OTOP2: variants seen among roughly 807,000 people sequenced by gnomAD.
OTOP2 encodes proton channel OTOP2.
In OTOP2, 41 loss-of-function variants were observed where a neutral mutation model predicts 47.4. The observed-to-expected ratio is 0.87, with a 90% CI of 0.67 to 1.12. The LOEUF is 1.12. Ranked by LOEUF, OTOP2 falls within the 50% of genes most tolerant of loss-of-function variation. The probability of loss-of-function intolerance (pLI) is 0.00; values close to 1 mark genes in which losing one functional copy is unlikely to be tolerated. For missense variants in OTOP2, 721 were observed against 752.2 expected (o/e 0.96, Z 0.49); for synonymous variants, 328 against 319.6 (o/e 1.03, Z -0.28).
At chr17:74,925,757 A>G in intron 3 of OTOP2, 65 bp downstream of exon 3, 2 of 1,602,210 alleles carry the variant, frequency 1.2e-6, no homozygotes, top group African/African-American at 2.7e-5. Flanking sequence ...GAAGGACCCA[A>G]CAAGGGGTCG....
At chr17:74,929,889 G>GGTT (rs201403962) in intron 5 of OTOP2, among the ~76,000 whole-genome samples, 3,079 of 152,266 alleles carry the variant, frequency 0.02, 100 homozygotes, top group African/African-American at 0.07. Flanking sequence ...CCTTAACAAA[G>GGTT]GTCACAAGCT....
intron 3 of OTOP2, among the ~76,000 whole-genome samples, chr17:74,925,997 G>T (rs1164799549): frequency 6.6e-6 from 1 of 152,200 alleles, no homozygotes; most frequent in African/African-American, 2.4e-5. Flanking sequence ...CTAGAACCTG[G>T]CCTGCCCTTC....
At chr17:74,929,292 G>A (rs1271719763) in intron 5 of OTOP2, among the ~76,000 whole-genome samples, 2 of 152,128 alleles carry the variant, frequency 1.3e-5, no homozygotes, top group Non-Finnish European at 2.9e-5. Flanking sequence ...AGAGCTGTGA[G>A]GAAGCCTGAA....
In OTOP2 at chr17:74,930,606, C is replaced by T; in HGVS notation, c.971C>T (p.Ala324Val). The T allele has an allele frequency of 6.2e-7, 1 of 1,613,998 alleles. No individual in the cohort carries two copies. Among genetic ancestry groups the T allele is most frequent in the Non-Finnish European group, 8.5e-7 (1 of 1,180,010 alleles). ...GGGGACGGGAGCCGCACCAGGCAGG[C>T]CCTGGTCATCTACTACAGCTTCAAC... ...VSGDGSRTRQALVIYYSFNIV... is the reference protein window; with the variant it reads ...VSGDGSRTRQVLVIYYSFNIV... Residue 324 changes from alanine to valine, a missense_variant, in exon 6 of 7, where the codon GCC (alanine) becomes GTC (valine). Physicochemically the swap from Ala to Val is moderately conservative, Grantham distance 64 (BLOSUM62 0). Transcript: ENST00000331427. The surrounding 1 kb of genome is among the most constrained non-coding windows in gnomAD (Gnocchi z 4.0).
In OTOP2 at chr17:74,933,288, A is replaced by G. The variant is rs2039075422; in HGVS notation, c.1519-87A>G. 6.8e-7 allele frequency: 1 copy of G among 1,481,444 alleles called. No homozygotes were observed. Among genetic ancestry groups the G allele is most frequent in the African/African-American group, 1.4e-5 (1 of 72,162 alleles). The allele number at this position is 1,481,444 out of a possible 1,614,324, so 91.8% of individuals were successfully genotyped here. Reference sequence around the variant, plus strand: ...CACCAAGCTAGAAGGATGGGCCGCCATCTAGCCACGGCCCAGCAAAACCCA... The same window carrying G: ...CACCAAGCTAGAAGGATGGGCCGCCGTCTAGCCACGGCCCAGCAAAACCCA... On this transcript the variant is annotated intron_variant, in intron 6 of 6. Transcript: ENST00000331427. This position sits in a 1 kb window ranked among gnomAD's most constrained non-coding sequence, Gnocchi z 4.7.
rs772706765 is a variant in OTOP2, at chr17:74,933,399, G to A, written c.1543G>A (p.Ala515Thr). Residue 515 changes from alanine to threonine, a missense_variant, in exon 7 of 7, where the codon GCC becomes ACC. Transcript: ENST00000331427. The surrounding 1 kb of genome is among the most constrained non-coding windows in gnomAD (Gnocchi z 4.7). ...VILWIMPAFGARPHFSNTVEV... is the reference protein window; with the variant it reads ...VILWIMPAFGTRPHFSNTVEV... Reference sequence around the variant, plus strand: ...GCTGTGGATCATGCCTGCCTTCGGGGCCCGCCCTCATTTCAGCAACACAGT... The same window carrying A: ...GCTGTGGATCATGCCTGCCTTCGGGACCCGCCCTCATTTCAGCAACACAGT... 2.5e-6 allele frequency: 4 copies of A among 1,612,588 alleles called. No individual in the cohort carries two copies. The highest frequency in any genetic ancestry group is 1.7e-5 in the Admixed American group (1 of 59,988).
rs1210515722 is a variant in OTOP2, at chr17:74,926,784, G to A, written c.451-439G>A. Among the ~76,000 whole-genome samples, 3 of 150,366 alleles carry A rather than the reference G, an allele frequency of 2.0e-5. No homozygotes were observed. The East Asian group carries it at 5.8e-4, about 29-fold the overall frequency. ...TTTTCCTTTTTTTTTTTTCGAGATG[G>A]AGTCTCACTCTATCGCCCAGGCTGG... On this transcript the variant is annotated intron_variant, in intron 3 of 6. Coordinates refer to ENST00000331427, the MANE Select transcript of OTOP2 (RefSeq NM_178160.3).
rs766405398 is a variant in OTOP2, at chr17:74,930,965, C to G, written c.1330C>G (p.Gln444Glu). The G allele has an allele frequency of 6.2e-6, 10 of 1,614,124 alleles. No individual in the cohort carries two copies. The highest frequency in any genetic ancestry group is 7.6e-6 in the Non-Finnish European group (9 of 1,180,012). The change falls in exon 6 of 7, where the codon CAA (glutamine) becomes GAA (glutamate). Residue 444 changes from glutamine to glutamate, a missense_variant. Coordinates refer to ENST00000331427, the MANE Select transcript of OTOP2 (RefSeq NM_178160.3). The surrounding 1 kb of genome is among the most constrained non-coding windows in gnomAD (Gnocchi z 4.0). ...CAGTACCCACCCCAAGGAGCCCTGC[C>G]AAGACCTCACCTTCACCAACCTGGA... ...PHSTHPKEPC[Q>E]DLTFTNLDAL...
rs543337305 is a variant in OTOP2 at position 74,925,050 on chromosome 17, G to C, written c.313+105G>C. 1.6e-4 allele frequency: 210 copies of C among 1,347,142 alleles called. No homozygotes were observed. The East Asian group carries it at 4.3e-3, about 27-fold the overall frequency. The allele number at this position is 1,347,142 out of a possible 1,614,324, so 83.4% of individuals were successfully genotyped here. A position where few individuals can be genotyped will look rare whatever the true frequency, so the allele number is the denominator to read the frequency against. ...GCAGATTGACATACGAGGGCGAGAG[G>C]CTCCCTAGGGAGGACCAGGAGGACC... On this transcript the variant is annotated intron_variant, in intron 2 of 6. Transcript: ENST00000331427.
At chr17:74,932,282 C>G (rs1313901202) in intron 6 of OTOP2, among the ~76,000 whole-genome samples, 3 of 152,030 alleles carry the variant, frequency 2.0e-5, no homozygotes, top group African/African-American at 7.3e-5. Context: ...TGGGTATATC[C>G]CAGGACAGAG....
rs2039074856 is a variant in OTOP2 at position 74,933,236 on chromosome 17, A to G, written c.1519-139A>G. ...CCTGTCCAAAATGCTAGAGCTGCCC[A>G]TTCACTGACACCCAGCCCTCCGTGT... On this transcript the variant is annotated intron_variant, in intron 6 of 6. Transcript: ENST00000331427. This position sits in a 1 kb window ranked among gnomAD's most constrained non-coding sequence, Gnocchi z 4.7. The G allele has an allele frequency of 8.6e-6, 9 of 1,043,536 alleles. No homozygotes were observed. In the East Asian group the frequency reaches 2.2e-4, roughly 25 times the overall value. 64.6% of individuals were successfully genotyped at this position (1,043,536 alleles called of 1,614,324 possible). A position where few individuals can be genotyped will look rare whatever the true frequency, so the allele number is the denominator to read the frequency against.
rs2038992839 is a variant in OTOP2 at position 74,924,951 on chromosome 17, A to G, written c.313+6A>G. On this transcript the variant is annotated splice_donor_region_variant and intron_variant, in intron 2 of 6. Coordinates refer to ENST00000331427, the MANE Select transcript of OTOP2 (RefSeq NM_178160.3). The surrounding 1 kb of genome is among the most constrained non-coding windows in gnomAD (Gnocchi z 7.7). ...TGGCCCCATCTGGCTCCGAGGTGCCAGGGGAGGTGGGGGCGAGGTAGGGTG... is the reference window on the plus strand; with the variant it reads ...TGGCCCCATCTGGCTCCGAGGTGCCGGGGGAGGTGGGGGCGAGGTAGGGTG... 2 of 1,549,394 alleles carry G rather than the reference A, an allele frequency of 1.3e-6. No homozygotes were observed. Among genetic ancestry groups the G allele is most frequent in the African/African-American group, 2.7e-5 (2 of 73,874 alleles).
chr17:74,924,723 C>T lies in OTOP2; in HGVS notation c.91C>T (p.Leu31=), dbSNP rs909610408. 6.2e-7 allele frequency: 1 copy of T among 1,607,620 alleles called. No individual in the cohort carries two copies. ...REVWKKGGRL[L]SVLLAVNVLL... is the part of the protein sequence containing the mutation. ...GGTGTGGAAGAAGGGTGGCCGCCTGCTGTCGGTGCTGCTGGCGGTGAACGT... is the reference window on the plus strand; with the variant it reads ...GGTGTGGAAGAAGGGTGGCCGCCTGTTGTCGGTGCTGCTGGCGGTGAACGT... Residue 31 remains leucine, a synonymous_variant, in exon 2 of 7, where the codon CTG becomes TTG. Transcript: ENST00000331427. The surrounding 1 kb of genome is among the most constrained non-coding windows in gnomAD (Gnocchi z 7.7).
rs751941715 is a variant in OTOP2 at position 74,924,596 on chromosome 17, A to G, written c.-33-4A>G. 14 of 1,495,762 alleles carry G rather than the reference A, an allele frequency of 9.4e-6. No individual in the cohort carries two copies. Among genetic ancestry groups the G allele is most frequent in the Admixed American group, 2.2e-5 (1 of 45,968 alleles). 92.7% of individuals were successfully genotyped at this position (1,495,762 alleles called of 1,614,324 possible). On this transcript the variant is annotated splice_region_variant and splice_polypyrimidine_tract_variant and intron_variant, in intron 1 of 6. Coordinates refer to ENST00000331427, the MANE Select transcript of OTOP2 (RefSeq NM_178160.3). This position sits in a 1 kb window ranked among gnomAD's most constrained non-coding sequence, Gnocchi z 7.7. ...CTGGAGTTTTGTCCGCTCCTCCCCTACAGTGATCCCTCTAGCCTTCTCCAG... is the reference window on the plus strand; with the variant it reads ...CTGGAGTTTTGTCCGCTCCTCCCCTGCAGTGATCCCTCTAGCCTTCTCCAG...
intron 5 of OTOP2, among the ~76,000 whole-genome samples, chr17:74,928,617 C>T (rs1363891880): frequency 6.6e-6 from 1 of 152,204 alleles, no homozygotes; most frequent in Non-Finnish European, 1.5e-5. Flanking sequence ...GGTACTCTCC[C>T]CATTCCCATG....
intron 3 of OTOP2, among the ~76,000 whole-genome samples, 188 bp from the exon 4 acceptor site, chr17:74,927,035 A>C (rs1351176947): frequency 6.6e-6 from 1 of 152,204 alleles, no homozygotes; most frequent in Non-Finnish European, 1.5e-5. Flanking sequence ...TCAGCCTCCC[A>C]AAGTGCTGGG....
At position 74,930,229 on chromosome 17, in the gene OTOP2, C is replaced by G; in HGVS notation, c.644-50C>G. On this transcript the variant is annotated intron_variant, in intron 5 of 6. Coordinates refer to ENST00000331427, the MANE Select transcript of OTOP2 (RefSeq NM_178160.3). The surrounding 1 kb of genome is among the most constrained non-coding windows in gnomAD (Gnocchi z 4.0). ...AGGTCACAGGCTAGGGGTGAGACCT[C>G]TCTAGGAAGGCAGGAGGGCTGTCCA... 2 of 1,568,878 alleles carry G rather than the reference C, an allele frequency of 1.3e-6. No individual in the cohort carries two copies. Among genetic ancestry groups the G allele is most frequent in the Non-Finnish European group, 1.7e-6 (2 of 1,154,080 alleles).
rs2039050892 is a variant in OTOP2, at chr17:74,930,858, T to C, written c.1223T>C (p.Leu408Pro). ...LLAGLNLTHA[L>P]LMIAQHTFQN... ...GCAGGGCTCAACCTCACCCATGCAC[T>C]GCTCATGATCGCCCAGCACACCTTC... Residue 408 changes from leucine (L) to proline (P), a missense_variant, in exon 6 of 7, where the codon CTG (leucine) becomes CCG (proline). By Grantham distance (98) the Leu-to-Pro change is moderately conservative. Coordinates refer to ENST00000331427, the MANE Select transcript of OTOP2 (RefSeq NM_178160.3). The surrounding 1 kb of genome is among the most constrained non-coding windows in gnomAD (Gnocchi z 4.0). 1 of 1,613,948 alleles carries C rather than the reference T, an allele frequency of 6.2e-7. No individual in the cohort carries two copies. Among genetic ancestry groups the C allele is most frequent in the African/African-American group, 1.3e-5 (1 of 74,880 alleles).
At chr17:74,927,616 C>T (rs2039020290) in intron 4 of OTOP2, 49 bp from the exon 5 acceptor site, 1 of 1,583,038 alleles carries the variant, frequency 6.3e-7, no homozygotes, top group Non-Finnish European at 8.6e-7. Flanking sequence ...GCTCCCCAAC[C>T]TGCCAAAGGG....
Sources: gnomAD v4.1 joint callset for allele counts (sites outside exome capture counted in the v4.1 genomes callset) on GRCh38, gnomAD v4.1.1 for gene constraint, Gnocchi (gnomAD v3.1) non-coding constraint, MANE v1.5 for transcripts, NCBI Gene and HGNC (gene_info 2026-07-23, HGNC 2026-07-21) for gene names.